PRELP: variants seen among roughly 807,000 people sequenced by gnomAD.
PRELP encodes prolargin.
Under a neutral mutation model 22.8 loss-of-function variants are expected in PRELP, and 16 were observed. That is an observed-to-expected ratio of 0.70 (90% CI 0.47 to 1.06). The LOEUF is 1.06. Among genes scored for constraint, PRELP ranks in the 50% least tolerant of loss-of-function variants. The probability of loss-of-function intolerance (pLI) is 0.00; values close to 1 mark genes in which losing one functional copy is unlikely to be tolerated. For missense variants in PRELP, 434 were observed against 485.2 expected, an observed-to-expected ratio of 0.89 and a Z score of 0.99; for synonymous variants, 233 against 211.4, an observed-to-expected ratio of 1.10 and a Z score of -0.89.
chr1:203,481,525 C>T (rs939626649), intron 1 of PRELP, among the ~76,000 whole-genome samples: 13 of 152,202 alleles, frequency 8.5e-5, no homozygotes, highest in African/African-American at 3.1e-4. Context: ...AGCCAAAAAC[C>T]TAACTGCAAG....
Position 203,489,219 on chromosome 1 carries a change from G to C in PRELP, c.*2338G>C, listed in dbSNP as rs1661149430. 2 of 152,608 alleles carry C rather than the reference G, an allele frequency of 1.3e-5. No individual in the cohort carries two copies. Among genetic ancestry groups the C allele is most frequent in the South Asian group, 4.1e-4 (2 of 4,820 alleles). 9.5% of individuals were successfully genotyped at this position (152,608 alleles called of 1,614,324 possible). Reference sequence around the variant, plus strand: ...CAGCCCCTTTGATGAGGCCCTCAGGGGAGAGGTCATTACCTTGATCCTGCA... The same window carrying C: ...CAGCCCCTTTGATGAGGCCCTCAGGCGAGAGGTCATTACCTTGATCCTGCA... On this transcript the variant is annotated 3_prime_UTR_variant, in exon 3 of 3. Transcript: ENST00000343110.
chr1:203,476,998 G>C (rs1660922165), intron 1 of PRELP, among the ~76,000 whole-genome samples: 1 of 151,652 alleles, frequency 6.6e-6, no homozygotes, highest in Non-Finnish European at 1.5e-5. Context: ...ACTGAAGGGC[G>C]GCCCCTCTCC....
intron 1 of PRELP, among the ~76,000 whole-genome samples, chr1:203,478,902 T>G (rs565060576): frequency 6.6e-6 from 1 of 152,272 alleles, no homozygotes; most frequent in Admixed American, 6.5e-5. Flanking sequence ...GCTCATAAAT[T>G]GGCAAAGACT....
chr1:203,487,003 C>G lies in PRELP; in HGVS notation c.*122C>G. 8.7e-7 allele frequency: 1 copy of G among 1,148,548 alleles called. No homozygotes were observed. The highest frequency in any genetic ancestry group is 1.2e-6 in the Non-Finnish European group (1 of 839,758). The allele number at this position is 1,148,548 out of a possible 1,614,324, so 71.1% of individuals were successfully genotyped here. A position where few individuals can be genotyped will look rare whatever the true frequency, so the allele number is the denominator to read the frequency against. On this transcript the variant is annotated 3_prime_UTR_variant, in exon 3 of 3. Coordinates refer to ENST00000343110, the MANE Select transcript of PRELP (RefSeq NM_002725.4). ...TCCCAGCTTTGCCTCCCTTATCCCACCCTCGAGGCAGGGAAAAGCCATCTA... is the reference window on the plus strand; with the variant it reads ...TCCCAGCTTTGCCTCCCTTATCCCAGCCTCGAGGCAGGGAAAAGCCATCTA...
intron 1 of PRELP, among the ~76,000 whole-genome samples, chr1:203,482,475 T>G (rs1223448850): frequency 6.6e-6 from 1 of 151,390 alleles, no homozygotes; most frequent in Non-Finnish European, 1.5e-5. Flanking sequence ...ATGGGGTTTC[T>G]CCATGTTGGT....
intron 1 of PRELP, among the ~76,000 whole-genome samples, chr1:203,482,803 T>A (rs2487695): frequency 0.33 from 49,326 of 151,088 alleles, 8,071 homozygotes; most frequent in African/African-American, 0.39. Context: ...TTCACCGTGT[T>A]AGCCAGGATG....
Position 203,489,009 on chromosome 1 carries a change from A to G in PRELP, c.*2128A>G, listed in dbSNP as rs548828583. 1 of 152,712 alleles carries G rather than the reference A, an allele frequency of 6.5e-6. No individual in the cohort carries two copies. Among genetic ancestry groups the G allele is most frequent in the African/African-American group, 2.4e-5 (1 of 41,564 alleles). The allele number at this position is 152,712 out of a possible 1,614,324, so 9.5% of individuals were successfully genotyped here. ...CCTTTCTTTTTTGCTAATTATGGAA[A>G]ATAGGGCCCATTTCATCATAGCCTC... On this transcript the variant is annotated 3_prime_UTR_variant, in exon 3 of 3. Coordinates refer to ENST00000343110, the MANE Select transcript of PRELP (RefSeq NM_002725.4).
At chr1:203,478,726 C>T (rs745440061) in intron 1 of PRELP, among the ~76,000 whole-genome samples, 1 of 152,100 alleles carries the variant, frequency 6.6e-6, no homozygotes, top group Non-Finnish European at 1.5e-5. Context: ...ACCACAGGCT[C>T]TCCTCCCACT....
Position 203,489,270 on chromosome 1 carries a change from C to T in PRELP, c.*2389C>T, listed in dbSNP as rs1201001698. ...AACCCAGACTCGTTGAGCAGCAACG[C>T]AATCACCATCATCCCACTGCCCAAT... On this transcript the variant is annotated 3_prime_UTR_variant, in exon 3 of 3. Transcript: ENST00000343110. The T allele has an allele frequency of 6.6e-6, 1 of 152,622 alleles. No homozygotes were observed. Among genetic ancestry groups the T allele is most frequent in the East Asian group, 1.9e-4 (1 of 5,192 alleles). 9.5% of individuals were successfully genotyped at this position (152,622 alleles called of 1,614,324 possible). A position where few individuals can be genotyped will look rare whatever the true frequency, so the allele number is the denominator to read the frequency against.
At position 203,483,274 on chromosome 1, in the gene PRELP, T is replaced by C; in HGVS notation, c.90T>C (p.Thr30=). ...CAACAAGACGACCAAGACCCGGGAC[T>C]GGGCCCGGGCGCAGACCCAGGCCCA... ...GQPTRRPRPG[T]GPGRRPRPRP... The change falls in exon 2 of 3, where the codon ACT becomes ACC. Residue 30 remains threonine, a synonymous_variant. Coordinates refer to ENST00000343110, the MANE Select transcript of PRELP (RefSeq NM_002725.4). The surrounding 1 kb of genome is among the most constrained non-coding windows in gnomAD (Gnocchi z 4.4). 6.2e-7 allele frequency: 1 copy of C among 1,608,652 alleles called. No homozygotes were observed. Among genetic ancestry groups the C allele is most frequent in the Non-Finnish European group, 8.5e-7 (1 of 1,177,876 alleles).
intron 1 of PRELP, among the ~76,000 whole-genome samples, chr1:203,479,821 T>G (rs147370398): frequency 1.8e-3 from 275 of 151,966 alleles, no homozygotes; most frequent in African/African-American, 6.1e-3. Context: ...ATTTTGCACT[T>G]TATAACATGC....
Position 203,483,104 on chromosome 1 carries a change from C to CA in PRELP, c.-16-60dup. ...CTCTAGTTCTGCCCAACTCTGGCTT[C>CA]AAAAACATGACAACTAGTTACTGAG... On this transcript the variant is annotated intron_variant, in intron 1 of 2. Coordinates refer to ENST00000343110, the MANE Select transcript of PRELP (RefSeq NM_002725.4). This position sits in a 1 kb window ranked among gnomAD's most constrained non-coding sequence, Gnocchi z 4.4. The CA allele has an allele frequency of 1.5e-6, 2 of 1,369,010 alleles. No homozygotes were observed. The highest frequency in any genetic ancestry group is 2.0e-6 in the Non-Finnish European group (2 of 1,002,996). 84.8% of individuals were successfully genotyped at this position (1,369,010 alleles called of 1,614,324 possible).
rs771059326 is a variant in PRELP at position 203,486,924 on chromosome 1, C to G, written c.*43C>G. ...GATCTGCTCTGACCGCACTTGAAGG[C>G]TGGGGCCCAGGCACCTGTGCCGGCC... On this transcript the variant is annotated 3_prime_UTR_variant, in exon 3 of 3. Transcript: ENST00000343110. 2 of 1,546,158 alleles carry G rather than the reference C, an allele frequency of 1.3e-6. No individual in the cohort carries two copies. Among genetic ancestry groups the G allele is most frequent in the Non-Finnish European group, 1.8e-6 (2 of 1,136,862 alleles).
chr1:203,487,189 C>T lies in PRELP; in HGVS notation c.*308C>T, dbSNP rs1409603380. The T allele has an allele frequency of 2.3e-5, 6 of 266,460 alleles. No homozygotes were observed. Among genetic ancestry groups the T allele is most frequent in the Non-Finnish European group, 4.3e-5 (6 of 139,382 alleles). 16.5% of individuals were successfully genotyped at this position (266,460 alleles called of 1,614,324 possible). A position where few individuals can be genotyped will look rare whatever the true frequency, so the allele number is the denominator to read the frequency against. ...CTTGGTGTCCCCTTCTCTCTCCTCC[C>T]CCACCCGCCACTCCTGGGTACATCT... On this transcript the variant is annotated 3_prime_UTR_variant, in exon 3 of 3. Transcript: ENST00000343110.
Position 203,483,698 on chromosome 1 carries a change from A to C in PRELP, c.514A>C (p.Asn172His). The C allele has an allele frequency of 6.2e-7, 1 of 1,614,194 alleles. No homozygotes were observed. Among genetic ancestry groups the C allele is most frequent in the South Asian group, 1.1e-5 (1 of 91,080 alleles). The change falls in exon 2 of 3, where the codon AAC becomes CAC. Residue 172 changes from asparagine to histidine, a missense_variant. Transcript: ENST00000343110. This position sits in a 1 kb window ranked among gnomAD's most constrained non-coding sequence, Gnocchi z 4.4. ...LEEVPSALPRNLEQLRLSQNH... is the reference protein window; with the variant it reads ...LEEVPSALPRHLEQLRLSQNH... ...AGAGGTCCCCTCGGCCCTGCCCCGG[A>C]ACCTGGAGCAGCTGAGGCTGAGCCA...
In PRELP at chr1:203,488,006, C is replaced by A; in HGVS notation, c.*1125C>A. ...TGGCCCTCTTCCTGGGGTGATTTTC[C>A]TCGGTGGAGGAGGCCCGTGGGGTCC... is the stretch of plus-strand genomic sequence containing the variant. On this transcript the variant is annotated 3_prime_UTR_variant, in exon 3 of 3. Transcript: ENST00000343110. The A allele has an allele frequency of 6.6e-6, 1 of 152,448 alleles. No homozygotes were observed. 9.4% of individuals were successfully genotyped at this position (152,448 alleles called of 1,614,324 possible).
In PRELP at chr1:203,483,505, C is replaced by T; in HGVS notation, c.321C>T (p.Leu107=). The T allele has an allele frequency of 6.2e-7, 1 of 1,614,218 alleles. No individual in the cohort carries two copies. Among genetic ancestry groups the T allele is most frequent in the Non-Finnish European group, 8.5e-7 (1 of 1,180,022 alleles). Reference sequence around the variant, plus strand: ...TCATCCCGCCCCGCATCCATTACCTCTATCTCCAGAACAACTTCATCACTG... The same window carrying T: ...TCATCCCGCCCCGCATCCATTACCTTTATCTCCAGAACAACTTCATCACTG... The part of the protein sequence containing the change: ...VPVIPPRIHY[L]YLQNNFITEL... Residue 107 remains leucine (L), a synonymous_variant, in exon 2 of 3, where the codon CTC becomes CTT. Coordinates refer to ENST00000343110, the MANE Select transcript of PRELP (RefSeq NM_002725.4). This position sits in a 1 kb window ranked among gnomAD's most constrained non-coding sequence, Gnocchi z 4.4.
rs938286902 is a variant in PRELP at position 203,483,129 on chromosome 1, GGGCCC to G, written c.-16-39_-16-35del. 4 of 1,450,962 alleles carry G rather than the reference GGGCCC, an allele frequency of 2.8e-6. No homozygotes were observed. The African/African-American group carries it at 5.7e-5, about 21-fold the overall frequency. The allele number at this position is 1,450,962 out of a possible 1,614,324, so 89.9% of individuals were successfully genotyped here. A position where few individuals can be genotyped will look rare whatever the true frequency, so the allele number is the denominator to read the frequency against. On this transcript the variant is annotated intron_variant, in intron 1 of 2. Transcript: ENST00000343110. The surrounding 1 kb of genome is among the most constrained non-coding windows in gnomAD (Gnocchi z 4.4). ...CAAAAACATGACAACTAGTTACTGA[GGGCCC>G]AAGGATAATGACCTTATGTGTCTTC... is the stretch of plus-strand genomic sequence containing the variant.
In PRELP at chr1:203,486,982, A is replaced by G. The variant is rs1661104787; in HGVS notation, c.*101A>G. The G allele has an allele frequency of 1.5e-6, 2 of 1,318,580 alleles. No individual in the cohort carries two copies. The highest frequency in any genetic ancestry group is 2.0e-6 in the Non-Finnish European group (2 of 980,954). 81.7% of individuals were successfully genotyped at this position (1,318,580 alleles called of 1,614,324 possible). On this transcript the variant is annotated 3_prime_UTR_variant, in exon 3 of 3. Transcript: ENST00000343110. ...TTCTCTCTCTCCCTTTCTTTCTCCC[A>G]GCTTTGCCTCCCTTATCCCACCCTC...
Sources: allele counts gnomAD v4.1 joint callset (sites outside exome capture counted in the v4.1 genomes callset), GRCh38; gene constraint gnomAD v4.1.1; non-coding constraint Gnocchi (gnomAD v3.1); transcripts MANE v1.5; gene names NCBI Gene and HGNC (gene_info 2026-07-23, HGNC 2026-07-21).